The following RAPGEF1 variants were observed in gnomAD, a reference collection of about 807,000 sequenced individuals.
The protein encoded by RAPGEF1 is Rap guanine nucleotide exchange factor 1.
Under a neutral mutation model 143.3 loss-of-function variants are expected in RAPGEF1, and 33 were observed. The observed-to-expected ratio is 0.23, with a 90% CI of 0.17 to 0.31. RAPGEF1 has a LOEUF of 0.31. RAPGEF1 is among the 10% of genes least tolerant of loss of function. RAPGEF1 has a pLI of 1.00. For synonymous variants in RAPGEF1, 629 were observed against 676.5 expected, an observed-to-expected ratio of 0.93 and a Z score of 1.09; for missense variants, 1,199 against 1,645.4, an observed-to-expected ratio of 0.73 and a Z score of 4.69.
rs751906409 is a variant in RAPGEF1, at chr9:131,605,131, C to T, written c.2119G>A (p.Val707Ile). ...QDFVPHHQASVPPFLPPTSSS... is the reference protein window; with the variant it reads ...QDFVPHHQASIPPFLPPTSSS... ...GAGGTAGGCGGAAGGAAAGGCGGAA[C>T]GGAAGCTTGGTGGTGAGGCACGAAA... is the stretch of plus-strand genomic sequence containing the variant. The change falls in exon 13 of 27, where the codon GTT (valine) becomes ATT (isoleucine). Residue 707 changes from valine to isoleucine, a missense_variant. Transcript: ENST00000683357. 25 of 1,362,980 alleles carry T rather than the reference C, an allele frequency of 1.8e-5. No individual in the cohort carries two copies. The African/African-American group carries it at 2.1e-4, about 11-fold the overall frequency. 84.4% of individuals were successfully genotyped at this position (1,362,980 alleles called of 1,614,324 possible).
At chr9:131,668,588 G>A (rs1830819806) in intron 1 of RAPGEF1, among the ~76,000 whole-genome samples, 1 of 152,080 alleles carries the variant, frequency 6.6e-6, no homozygotes, top group Non-Finnish European at 1.5e-5. Context: ...CACAGACAAG[G>A]TGACTGCAGC....
intron 14 of RAPGEF1, among the ~76,000 whole-genome samples, chr9:131,603,355 G>A (rs1184149284): frequency 6.6e-6 from 1 of 152,226 alleles, no homozygotes; most frequent in Non-Finnish European, 1.5e-5. Flanking sequence ...TGTGGAAAGT[G>A]GATTGCTCAA....
intron 12 of RAPGEF1, among the ~76,000 whole-genome samples, chr9:131,615,126 G>A (rs1304522630): frequency 6.6e-6 from 1 of 152,176 alleles, no homozygotes; most frequent in Admixed American, 6.5e-5. Context: ...AGGCTGGAGC[G>A]CAGTGGCGCG....
At chr9:131,663,100 T>C (rs1216855009) in intron 1 of RAPGEF1, among the ~76,000 whole-genome samples, 2 of 150,582 alleles carry the variant, frequency 1.3e-5, no homozygotes, top group African/African-American at 4.9e-5. Flanking sequence ...CTTTCCAAAG[T>C]TATATTTTGG....
intron 5 of RAPGEF1, among the ~76,000 whole-genome samples, chr9:131,634,723 A>G (rs1223257949): frequency 1.3e-5 from 2 of 149,314 alleles, no homozygotes; most frequent in African/African-American, 5.0e-5. Flanking sequence ...CAAAAAAAAA[A>G]AAAAAAAAAA....
chr9:131,651,640 A>C (rs1278582189), intron 1 of RAPGEF1, among the ~76,000 whole-genome samples: 2 of 152,234 alleles, frequency 1.3e-5, no homozygotes, highest in Admixed American at 6.5e-5. Flanking sequence ...GTAACAAAAT[A>C]AAAAAATAGA....
rs562717254 is a variant in RAPGEF1 at position 131,650,192 on chromosome 9, C to A, written c.252G>T (p.Leu84=). The A allele has an allele frequency of 6.2e-7, 1 of 1,613,816 alleles. No homozygotes were observed. Among genetic ancestry groups the A allele is most frequent in the East Asian group, 2.2e-5 (1 of 44,898 alleles). ...LPEGYPLPLD[L]EQQAVEFMST... is the part of the protein sequence containing the mutation. ...ACATAAATTCTACTGCCTGCTGCTC[C>A]AGATCCAAGGGGAGAGGGTAGCCCT... The change falls in exon 3 of 27, where the codon CTG becomes CTT. Residue 84 remains leucine, a synonymous_variant. Transcript: ENST00000683357. This position sits in a 1 kb window ranked among gnomAD's most constrained non-coding sequence, Gnocchi z 4.7.
In RAPGEF1 at chr9:131,604,069, C is replaced by A. The variant is rs765401687; in HGVS notation, c.2320-16G>T. 4.7e-5 allele frequency: 61 copies of A among 1,308,512 alleles called. No individual in the cohort carries two copies. Among genetic ancestry groups the A allele is most frequent in the Non-Finnish European group, 6.1e-5 (60 of 987,978 alleles). The allele number at this position is 1,308,512 out of a possible 1,614,324, so 81.1% of individuals were successfully genotyped here. Reference sequence around the variant, plus strand: ...CGTTTTCACTCTGGGGGAGACAGGACGAGAGGAAAGACACATGGGCCAGGC... The same window carrying A: ...CGTTTTCACTCTGGGGGAGACAGGAAGAGAGGAAAGACACATGGGCCAGGC... On this transcript the variant is annotated splice_polypyrimidine_tract_variant and intron_variant, in intron 13 of 26. Transcript: ENST00000683357.
intron 17 of RAPGEF1, among the ~76,000 whole-genome samples, chr9:131,594,452 C>T (rs950467711): frequency 1.3e-5 from 2 of 152,196 alleles, no homozygotes; most frequent in Admixed American, 6.5e-5. Flanking sequence ...AGAGCAGAGC[C>T]GTGCAACCAC....
At chr9:131,586,733 C>A (rs1302300661) in intron 22 of RAPGEF1, among the ~76,000 whole-genome samples, 1 of 122,412 alleles carries the variant, frequency 8.2e-6, no homozygotes, top group Non-Finnish European at 1.7e-5. Context: ...CTCCGTCTCA[C>A]ACACACACCT....
At chr9:131,651,025 A>C in intron 1 of RAPGEF1, 76 bp from the exon 2 acceptor site, 1 of 1,519,630 alleles carries the variant, frequency 6.6e-7, no homozygotes, top group Non-Finnish European at 9.0e-7. Context: ...TGTGGAAATG[A>C]GCAATGTCCC....
At chr9:131,716,520 CT>C (rs1433791504) in intron 1 of RAPGEF1, among the ~76,000 whole-genome samples, 1 of 152,208 alleles carries the variant, frequency 6.6e-6, no homozygotes, top group Non-Finnish European at 1.5e-5. Flanking sequence ...AATCCCAGCA[CT>C]TTGGGAGGCA....
chr9:131,626,434 A>G lies in RAPGEF1; in HGVS notation c.1202-12T>C, dbSNP rs1963074871. 6.4e-7 allele frequency: 1 copy of G among 1,557,944 alleles called. No homozygotes were observed. Among genetic ancestry groups the G allele is most frequent in the Non-Finnish European group, 8.7e-7 (1 of 1,149,166 alleles). ...GGGATCATAGTGGTCTGCAGTTACA[A>G]CAGGGGAAAAAGAGACCCGTTAGCC... On this transcript the variant is annotated splice_polypyrimidine_tract_variant and intron_variant, in intron 9 of 26. Transcript: ENST00000683357.
intron 10 of RAPGEF1, among the ~76,000 whole-genome samples, chr9:131,622,670 C>T (rs1019345220): frequency 6.6e-6 from 1 of 152,108 alleles, no homozygotes; most frequent in Non-Finnish European, 1.5e-5. Flanking sequence ...CCGAGCAGAA[C>T]TTGGTTGTAA....
intron 3 of RAPGEF1, among the ~76,000 whole-genome samples, chr9:131,649,408 TA>T (rs954008833): frequency 2.0e-5 from 3 of 152,038 alleles, no homozygotes; most frequent in African/African-American, 7.2e-5. Context: ...CACGAGATAT[TA>T]AAAATTCTGT....
intron 9 of RAPGEF1, among the ~76,000 whole-genome samples, chr9:131,627,616 G>A (rs1963638156): frequency 6.6e-6 from 1 of 152,112 alleles, no homozygotes; most frequent in African/African-American, 2.4e-5. Context: ...CAACACAAAT[G>A]GCTCTTAATT....
Position 131,588,023 on chromosome 9 carries a change from C to G in RAPGEF1, c.3057G>C (p.Pro1019=), listed in dbSNP as rs376086696. 1 of 1,611,596 alleles carries G rather than the reference C, an allele frequency of 6.2e-7. No homozygotes were observed. The highest frequency in any genetic ancestry group is 1.1e-5 in the South Asian group (1 of 90,800). The change falls in exon 21 of 27, where the codon CCG becomes CCC. Residue 1019 remains proline (P), a synonymous_variant. Transcript: ENST00000683357. The stretch of plus-strand genomic sequence containing the variant: ...GGCTGTGAAAGTCGTGCAAGGTCCC[C>G]GGCCTGGAAGACAGAGGTGTGAGAA... ...PLAARGVAAR[P]GTLHDFHSHE...
chr9:131,619,239 G>A, intron 11 of RAPGEF1, 33 bp from the exon 12 acceptor site: 1 of 1,296,534 alleles, frequency 7.7e-7, no homozygotes, highest in Non-Finnish European at 1.0e-6. Context: ...GAGAAGGCAG[G>A]GAAGGAGGGA....
At position 131,592,016 on chromosome 9, in the gene RAPGEF1, C is replaced by T. The variant is rs1588249973; in HGVS notation, c.2774+83G>A. ...ACCCAATATGCTGCTCGGCTTCCCC[C>T]ACGAGGACTGAAGGGCAAGAGGGTC... On this transcript the variant is annotated intron_variant, in intron 18 of 26. Coordinates refer to ENST00000683357, the MANE Select transcript of RAPGEF1 (RefSeq NM_001377935.1). The T allele has an allele frequency of 2.9e-5, 31 of 1,085,622 alleles. No individual in the cohort carries two copies. In the East Asian group the frequency reaches 7.3e-4, roughly 26 times the overall value. 67.2% of individuals were successfully genotyped at this position (1,085,622 alleles called of 1,614,324 possible). A position where few individuals can be genotyped will look rare whatever the true frequency, so the allele number is the denominator to read the frequency against.
Sources: gnomAD v4.1 joint callset for allele counts (sites outside exome capture counted in the v4.1 genomes callset) on GRCh38, gnomAD v4.1.1 for gene constraint, Gnocchi (gnomAD v3.1) non-coding constraint, MANE v1.5 for transcripts, NCBI Gene and HGNC (gene_info 2026-07-23, HGNC 2026-07-21) for gene names.